The following DPP10 variants were observed in gnomAD, a reference collection of about 807,000 sequenced individuals.
DPP10 encodes dipeptidyl peptidase like 10, also known as inactive dipeptidyl peptidase 10.
A neutral mutation model predicts 120.9 loss-of-function variants in DPP10; 33 were observed. The observed-to-expected ratio is 0.27, with a 90% CI of 0.21 to 0.37. DPP10 has a LOEUF of 0.37. Among genes scored for constraint, DPP10 ranks in the 10% least tolerant of loss-of-function variants. The probability of loss-of-function intolerance (pLI) is 1.00; values close to 1 mark genes in which losing one functional copy is unlikely to be tolerated. For missense variants in DPP10, 816 were observed against 942.8 expected (o/e 0.87, Z 1.76); for synonymous variants, 337 against 326.1 (o/e 1.03, Z -0.36).
At chr2:115,121,749 T>A (rs190574913) in intron 1 of DPP10, among the ~76,000 whole-genome samples, 1 of 152,272 alleles carries the variant, frequency 6.6e-6, no homozygotes, top group African/African-American at 2.4e-5. Flanking sequence ...TAAGACTCCC[T>A]CCTGTTTGTG....
chr2:115,598,248 A>G (rs1326976060), intron 5 of DPP10, among the ~76,000 whole-genome samples: 2 of 151,658 alleles, frequency 1.3e-5, no homozygotes, highest in African/African-American at 4.8e-5. Context: ...GCCCATAAAC[A>G]TTTACTATAA....
rs150230719 is a variant in DPP10, at chr2:114,548,671, G to A, written c.60+105833G>A. Among the ~76,000 whole-genome samples, 96 of 152,328 alleles carry A rather than the reference G, an allele frequency of 6.3e-4. 1 individual carries two copies. Among genetic ancestry groups the A allele is most frequent in the Middle Eastern group, 3.4e-3 (1 of 294 alleles). ...TCATTTCCGGAGCTACTTTTTAAGT[G>A]TTGGTGAAAACACAAATAACTGGAG... is the stretch of plus-strand genomic sequence containing the variant. On this transcript the variant is annotated intron_variant, in intron 1 of 25. Transcript: ENST00000410059.
At chr2:114,661,102 G>T (rs1561070) in intron 1 of DPP10, among the ~76,000 whole-genome samples, 16,215 of 152,084 alleles carry the variant, frequency 0.11, 1,122 homozygotes, top group East Asian at 0.31. Context: ...GGAGAATTCT[G>T]CCCCAAATGA....
chr2:115,502,272 A>T (rs569271892), intron 4 of DPP10, among the ~76,000 whole-genome samples: 1 of 152,246 alleles, frequency 6.6e-6, no homozygotes, highest in African/African-American at 2.4e-5. Context: ...CCAAAATAAA[A>T]AATACTTTTT....
At chr2:115,221,754 GTTTTTTTT>G (rs56077672) in intron 1 of DPP10, among the ~76,000 whole-genome samples, 19,328 of 120,284 alleles carry the variant, frequency 0.16, 1,141 homozygotes, top group African/African-American at 0.24. Flanking sequence ...GTTTGTTTCT[GTTTTTTTT>G]TTTTTTTTTT....
chr2:115,782,390 A>C lies in DPP10; in HGVS notation c.1522A>C (p.Asn508His), dbSNP rs1682874184. 1 of 1,612,352 alleles carries C rather than the reference A, an allele frequency of 6.2e-7. No individual in the cohort carries two copies. Among genetic ancestry groups the C allele is most frequent in the Non-Finnish European group, 8.5e-7 (1 of 1,178,662 alleles). The change falls in exon 17 of 26, where the codon AAC becomes CAC. Residue 508 changes from asparagine to histidine, a missense_variant. Transcript: ENST00000410059. ...AGTGGTCAGCCTACATAGTACGGAC[A>C]ACCCAGCAAGTGAGTACACAAGAAG... ...VPVVSLHSTD[N>H]PAKYFILESN...
At position 115,062,166 on chromosome 2, in the gene DPP10, G is replaced by GTGTA. The variant is rs1276000398; in HGVS notation, c.61-247069_61-247066dup. On this transcript the variant is annotated intron_variant, in intron 1 of 25. Transcript: ENST00000410059. ...TGTGTGTGTGTGTGTGTGTGTGTGTGTGTATGTGTGTGCATGGCTACCAAA... is the reference window on the plus strand; with the variant it reads ...TGTGTGTGTGTGTGTGTGTGTGTGTGTGTATGTATGTGTGTGCATGGCTACCAAA... 8.8e-3 allele frequency among the ~76,000 whole-genome samples: 1,255 copies of GTGTA among 142,132 alleles called. 26 individuals are homozygous for GTGTA. Among genetic ancestry groups the GTGTA allele is most frequent in the African/African-American group, 0.028 (1,075 of 38,884 alleles). 93.2% of individuals were successfully genotyped at this position (142,132 alleles called of 152,430 possible). A position where few individuals can be genotyped will look rare whatever the true frequency, so the allele number is the denominator to read the frequency against.
At chr2:114,585,023 C>T (rs1211922460) in intron 1 of DPP10, among the ~76,000 whole-genome samples, 1 of 152,130 alleles carries the variant, frequency 6.6e-6, no homozygotes, top group Non-Finnish European at 1.5e-5. Flanking sequence ...TTTATTTTTG[C>T]ATAACAAATT....
At chr2:114,707,677 G>A (rs72955672) in intron 1 of DPP10, among the ~76,000 whole-genome samples, 1,926 of 152,272 alleles carry the variant, frequency 0.013, 51 homozygotes, top group African/African-American at 0.045. Flanking sequence ...CCATAGGTTA[G>A]CAATGCAAGG....
intron 10 of DPP10, among the ~76,000 whole-genome samples, chr2:115,747,831 G>T (rs1307620262): frequency 1.3e-5 from 2 of 152,170 alleles, no homozygotes; most frequent in East Asian, 1.9e-4. Context: ...TTGACCTCGT[G>T]ATCCGCCCGC....
intron 7 of DPP10, among the ~76,000 whole-genome samples, chr2:115,717,571 G>C (rs2092535556): frequency 1.3e-5 from 2 of 151,822 alleles, no homozygotes; most frequent in African/African-American, 2.4e-5. Context: ...TGAGTGCTTA[G>C]AAGCAACCAA....
At chr2:115,839,461 G>T (rs1689859611) in intron 24 of DPP10, among the ~76,000 whole-genome samples, 1 of 152,020 alleles carries the variant, frequency 6.6e-6, no homozygotes, top group South Asian at 2.1e-4. Flanking sequence ...AGCTCACGAG[G>T]TCAGGAGTTT....
chr2:114,769,196 A>T (rs1461900922), intron 1 of DPP10, among the ~76,000 whole-genome samples: 1 of 152,130 alleles, frequency 6.6e-6, no homozygotes, highest in Non-Finnish European at 1.5e-5. Context: ...GGCCGATAAA[A>T]CCCAGGAATC....
At chr2:115,723,366 G>A (rs1181090851) in intron 7 of DPP10, among the ~76,000 whole-genome samples, 2 of 152,080 alleles carry the variant, frequency 1.3e-5, no homozygotes, top group Admixed American at 1.3e-4. Context: ...GTCACTTGAC[G>A]ATATCTCAGT....
chr2:114,552,320 G>C (rs1687949157), intron 1 of DPP10, among the ~76,000 whole-genome samples: 2 of 128,262 alleles, frequency 1.6e-5, no homozygotes, highest in African/African-American at 5.3e-5. Context: ...AAAGAGTTTA[G>C]TTTTGTATTG....
At chr2:114,830,235 T>C (rs1686971270) in intron 1 of DPP10, among the ~76,000 whole-genome samples, 1 of 152,144 alleles carries the variant, frequency 6.6e-6, no homozygotes, top group South Asian at 2.1e-4. Context: ...GCTCTCAAAA[T>C]GGGGCCATCG....
chr2:114,841,354 C>A (rs1273070590), intron 1 of DPP10, among the ~76,000 whole-genome samples: 1 of 152,036 alleles, frequency 6.6e-6, no homozygotes, highest in East Asian at 1.9e-4. Context: ...TAGTTGATTG[C>A]AAATAAAATG....
At chr2:115,291,027 A>G (rs932365562) in intron 1 of DPP10, among the ~76,000 whole-genome samples, 1 of 152,040 alleles carries the variant, frequency 6.6e-6, no homozygotes, top group Non-Finnish European at 1.5e-5. Flanking sequence ...TTTCTGAGGC[A>G]GGGTCTCGCT....
chr2:115,381,159 G>T (rs1157171715), intron 3 of DPP10, among the ~76,000 whole-genome samples: 3 of 152,076 alleles, frequency 2.0e-5, no homozygotes, highest in African/African-American at 4.8e-5. Context: ...TTCCAACTTG[G>T]TTCCATTCTC....
Sources: gnomAD v4.1 joint callset for allele counts (sites outside exome capture counted in the v4.1 genomes callset) on GRCh38, gnomAD v4.1.1 for gene constraint, MANE v1.5 for transcripts, NCBI Gene and HGNC (gene_info 2026-07-23, HGNC 2026-07-21) for gene names.